Variants in MYO5B observed in about 807,000 individuals in gnomAD.
MYO5B encodes unconventional myosin-Vb.
A neutral mutation model predicts 229.3 loss-of-function variants in MYO5B; 143 were observed. The observed-to-expected ratio is 0.62, with a 90% CI of 0.54 to 0.72. MYO5B has a LOEUF of 0.72. Among genes scored for constraint, MYO5B ranks in the 30% least tolerant of loss-of-function variants. The pLI is 0.00. For missense variants in MYO5B, 2,321 were observed against 2,331.0 expected (o/e 1.00, Z 0.09); for synonymous variants, 918 against 885.2 (o/e 1.04, Z -0.66).
At chr18:49,835,711 T>C (rs1203451440) in intron 38 of MYO5B, among the ~76,000 whole-genome samples, 1 of 152,236 alleles carries the variant, frequency 6.6e-6, no homozygotes, top group East Asian at 1.9e-4. Flanking sequence ...GAGTTTAGAA[T>C]GCAGTTGCCT....
At chr18:49,945,310 T>C (rs2025359334) in intron 14 of MYO5B, among the ~76,000 whole-genome samples, 1 of 152,156 alleles carries the variant, frequency 6.6e-6, no homozygotes, top group African/African-American at 2.4e-5. Flanking sequence ...CTCTAGGTGT[T>C]CCACTGGGAA....
chr18:50,055,225 G>GGCCCCCCCCCCCCCCCCCCCCCCCCCCCC, intron 2 of MYO5B, 43 bp downstream of exon 2: 2 of 700,376 alleles, frequency 2.9e-6, no homozygotes, highest in Admixed American at 2.0e-5. Context: ...TGAGCTCCCT[G>GGCCCCCCCCCCCCCCCCCCCCCCCCCCCC]CCCCACCTCA....
intron 31 of MYO5B, chr18:49,850,443 G>A (rs2024186351): frequency 6.6e-6 from 1 of 152,328 alleles, no homozygotes; most frequent in Non-Finnish European, 1.5e-5. Flanking sequence ...CCAGGGATGT[G>A]GCCATCCCAA....
chr18:50,124,906 G>C (rs1402386771), intron 1 of MYO5B, among the ~76,000 whole-genome samples: 2 of 151,772 alleles, frequency 1.3e-5, no homozygotes, highest in African/African-American at 4.8e-5. Flanking sequence ...CCCAGACTGG[G>C]AGAGGACAGA....
intron 1 of MYO5B, among the ~76,000 whole-genome samples, chr18:50,162,492 T>G (rs1317010163): frequency 6.6e-6 from 1 of 152,196 alleles, no homozygotes; most frequent in Non-Finnish European, 1.5e-5. Flanking sequence ...ACTCTTTTCT[T>G]CAAAGAGCGT....
At chr18:50,072,241 G>GA (rs35517763) in intron 1 of MYO5B, among the ~76,000 whole-genome samples, 8,047 of 144,494 alleles carry the variant, frequency 0.056, 279 homozygotes, top group Middle Eastern at 0.11. Flanking sequence ...TTTAAAAAGA[G>GA]AAAAAAAAAA....
chr18:49,956,803 T>C (rs7242306), intron 12 of MYO5B, among the ~76,000 whole-genome samples: 5 of 152,164 alleles, frequency 3.3e-5, no homozygotes, highest in African/African-American at 1.2e-4. Flanking sequence ...CCCTCTGACC[T>C]TGTGGTACTG....
chr18:50,057,775 C>T (rs2030588005), intron 1 of MYO5B, among the ~76,000 whole-genome samples: 1 of 152,202 alleles, frequency 6.6e-6, no homozygotes, highest in Non-Finnish European at 1.5e-5. Context: ...TACTTTAGCT[C>T]CTTGCTCCTC....
intron 1 of MYO5B, among the ~76,000 whole-genome samples, chr18:50,057,944 G>A (rs1245863200): frequency 1.3e-5 from 2 of 152,098 alleles, no homozygotes; most frequent in Non-Finnish European, 2.9e-5. Context: ...GAATATGTCA[G>A]CAAACTGCAG....
chr18:49,961,652 T>A (rs2025560644), intron 12 of MYO5B, among the ~76,000 whole-genome samples: 1 of 152,166 alleles, frequency 6.6e-6, no homozygotes, highest in Non-Finnish European at 1.5e-5. Context: ...CTGGGAGAGA[T>A]TTTGCAGATT....
intron 1 of MYO5B, among the ~76,000 whole-genome samples, chr18:50,087,209 A>G (rs2031348664): frequency 6.6e-6 from 1 of 152,152 alleles, no homozygotes; most frequent in African/African-American, 2.4e-5. Flanking sequence ...GTCTCTAAAG[A>G]TTGCCTGTTT....
intron 12 of MYO5B, among the ~76,000 whole-genome samples, chr18:49,958,521 C>T (rs1219882587): frequency 6.6e-6 from 1 of 152,192 alleles, no homozygotes; most frequent in Non-Finnish European, 1.5e-5. Flanking sequence ...TCTGCACCCA[C>T]AGCCATCCCA....
chr18:49,861,445 T>C (rs1201662953), intron 29 of MYO5B, among the ~76,000 whole-genome samples: 2 of 152,200 alleles, frequency 1.3e-5, no homozygotes, highest in Non-Finnish European at 2.9e-5. Flanking sequence ...TACTTTAGTA[T>C]CACCTGGGCT....
intron 5 of MYO5B, among the ~76,000 whole-genome samples, chr18:49,998,115 T>C (rs1400535629): frequency 6.6e-6 from 1 of 152,110 alleles, no homozygotes; most frequent in Non-Finnish European, 1.5e-5. Flanking sequence ...AAAGCCTCTT[T>C]CTAATTCTAC....
chr18:49,861,879 C>G (rs1019993497), intron 29 of MYO5B, among the ~76,000 whole-genome samples: 6 of 152,126 alleles, frequency 3.9e-5, no homozygotes, highest in Non-Finnish European at 8.8e-5. Flanking sequence ...ACAGTGCCAC[C>G]TAATGACATT....
At chr18:49,885,870 G>A (rs2024636746) in intron 22 of MYO5B, among the ~76,000 whole-genome samples, 2 of 152,114 alleles carry the variant, frequency 1.3e-5, no homozygotes, top group African/African-American at 4.8e-5. Flanking sequence ...GTCCTTTAAG[G>A]GCCCATAGAG....
chr18:50,095,686 C>T (rs1417768273), intron 1 of MYO5B, among the ~76,000 whole-genome samples: 4 of 152,184 alleles, frequency 2.6e-5, no homozygotes, highest in African/African-American at 4.8e-5. Context: ...GTTAAGTGAA[C>T]GAGACCCATG....
chr18:49,894,806 T>G (rs139014200), intron 22 of MYO5B, 135 bp downstream of exon 22: 20 of 771,072 alleles, frequency 2.6e-5, no homozygotes, highest in African/African-American at 2.2e-4. Flanking sequence ...TAGACACAGA[T>G]GAATGGTCAG....
chr18:50,129,231 T>TGG (rs2032216009), intron 1 of MYO5B, among the ~76,000 whole-genome samples: 1 of 152,198 alleles, frequency 6.6e-6, no homozygotes, highest in African/African-American at 2.4e-5. Flanking sequence ...GAGCTGGAGC[T>TGG]AGAGCTTATC....
Sources: allele counts gnomAD v4.1 joint callset (sites outside exome capture counted in the v4.1 genomes callset), GRCh38; gene constraint gnomAD v4.1.1; transcripts MANE v1.5; gene names NCBI Gene and HGNC (gene_info 2026-07-23, HGNC 2026-07-21).